DNAJB14: variants seen among roughly 807,000 people sequenced by gnomAD.
DNAJB14 encodes the protein DnaJ heat shock protein family (Hsp40) member B14.
In DNAJB14, 22 loss-of-function variants were observed where a neutral mutation model predicts 48.4. That is an observed-to-expected ratio of 0.45 (90% CI 0.32 to 0.65). The LOEUF (loss-of-function observed/expected upper bound fraction) is 0.65, where lower values mean the gene tolerates loss of function less well. Ranked by LOEUF, DNAJB14 falls within the 30% of genes least tolerant of loss-of-function variation. The probability of loss-of-function intolerance (pLI) is 0.03; values close to 1 mark genes in which losing one functional copy is unlikely to be tolerated. For synonymous variants in DNAJB14, 142 were observed against 158.7 expected, an observed-to-expected ratio of 0.89 and a Z score of 0.79; for missense variants, 319 against 458.8, an observed-to-expected ratio of 0.70 and a Z score of 2.78.
chr4:99,918,576 C>A (rs943358849), intron 3 of DNAJB14, among the ~76,000 whole-genome samples: 6 of 152,214 alleles, frequency 3.9e-5, no homozygotes, highest in African/African-American at 1.4e-4. Flanking sequence ...GGAATACCAT[C>A]TCATTGTTCC....
chr4:99,937,043 G>A (rs1284538869), intron 1 of DNAJB14, among the ~76,000 whole-genome samples: 3 of 152,184 alleles, frequency 2.0e-5, no homozygotes, highest in East Asian at 3.9e-4. Context: ...ATCGCCAGGC[G>A]CAGTGGCTCA....
At chr4:99,916,119 C>A (rs1009866538) in intron 3 of DNAJB14, among the ~76,000 whole-genome samples, 3 of 152,004 alleles carry the variant, frequency 2.0e-5, no homozygotes, top group Non-Finnish European at 1.5e-5. Context: ...AAATAATTTT[C>A]TTGTAGACAA....
chr4:99,918,054 C>G (rs1265832558), intron 3 of DNAJB14, among the ~76,000 whole-genome samples: 3 of 152,116 alleles, frequency 2.0e-5, no homozygotes, highest in Admixed American at 6.5e-5. Context: ...TTTCTGAGTA[C>G]CTTTTCAGCT....
intron 1 of DNAJB14, among the ~76,000 whole-genome samples, chr4:99,940,387 G>A (rs1355958607): frequency 2.0e-5 from 3 of 152,154 alleles, no homozygotes; most frequent in African/African-American, 7.2e-5. Flanking sequence ...GAGGTCAGGA[G>A]TTTGAAACCA....
chr4:99,921,650 G>A (rs1423266121), intron 3 of DNAJB14, among the ~76,000 whole-genome samples: 1 of 152,024 alleles, frequency 6.6e-6, no homozygotes, highest in African/African-American at 2.4e-5. Context: ...TTAAATTTGT[G>A]GAACTCATAA....
intron 1 of DNAJB14, among the ~76,000 whole-genome samples, chr4:99,931,224 A>C (rs1049231549): frequency 6.6e-6 from 1 of 152,198 alleles, no homozygotes; most frequent in Non-Finnish European, 1.5e-5. Context: ...AGGAATGGTA[A>C]GCAAATAGTG....
intron 2 of DNAJB14, chr4:99,928,791 T>C (rs2110213621): frequency 6.4e-6 from 1 of 157,300 alleles, no homozygotes; most frequent in South Asian, 2.0e-4. Flanking sequence ...GAATCCTTCA[T>C]TGAGAATATG....
chr4:99,944,702 G>T (rs977620976), intron 1 of DNAJB14, among the ~76,000 whole-genome samples: 2 of 151,586 alleles, frequency 1.3e-5, no homozygotes, highest in Non-Finnish European at 2.9e-5. Flanking sequence ...GCATCCCCTA[G>T]TAGCTGGGAT....
chr4:99,934,494 A>G (rs1196083941), intron 1 of DNAJB14, among the ~76,000 whole-genome samples: 2 of 152,146 alleles, frequency 1.3e-5, no homozygotes, highest in Non-Finnish European at 1.5e-5. Flanking sequence ...TATCAAAATT[A>G]CAACATCAGA....
rs1323838418 is a variant in DNAJB14, at chr4:99,924,670, C to A, written c.306-1485G>T. ...TCTGTAAACAAAAAAAGAGAATGAT[C>A]CCACCTGTGTAGAGACTCATTCTCC... On this transcript the variant is annotated intron_variant, in intron 2 of 7. Coordinates refer to ENST00000442697, the MANE Select transcript of DNAJB14 (RefSeq NM_001031723.4). 3 of 1,536,360 alleles carry A rather than the reference C, an allele frequency of 2.0e-6. No individual in the cohort carries two copies. The African/African-American group carries it at 4.2e-5, about 21-fold the overall frequency.
At chr4:99,936,534 C>A (rs1726683390) in intron 1 of DNAJB14, among the ~76,000 whole-genome samples, 1 of 152,122 alleles carries the variant, frequency 6.6e-6, no homozygotes, top group Non-Finnish European at 1.5e-5. Context: ...AACAATGACA[C>A]TTCTGTAAGC....
At chr4:99,920,037 GTCT>G (rs1378968355) in intron 3 of DNAJB14, among the ~76,000 whole-genome samples, 6 of 152,134 alleles carry the variant, frequency 3.9e-5, no homozygotes, top group African/African-American at 1.4e-4. Flanking sequence ...AATATAGTTG[GTCT>G]TCTGTGAGAT....
At chr4:99,915,794 C>A (rs1315812518) in intron 3 of DNAJB14, among the ~76,000 whole-genome samples, 1 of 152,170 alleles carries the variant, frequency 6.6e-6, no homozygotes, top group African/African-American at 2.4e-5. Flanking sequence ...GATTTTCTGT[C>A]TAATTGTTCT....
chr4:99,923,242 T>G, intron 2 of DNAJB14, 57 bp from the exon 3 acceptor site: 1 of 1,448,554 alleles, frequency 6.9e-7, no homozygotes, highest in Non-Finnish European at 9.3e-7. Context: ...TCATGTAATA[T>G]CTCTAATTTT....
chr4:99,913,346 G>A (rs922751488), intron 3 of DNAJB14, among the ~76,000 whole-genome samples: 1 of 152,134 alleles, frequency 6.6e-6, no homozygotes, highest in South Asian at 2.1e-4. Flanking sequence ...GTTGAGGCAG[G>A]TCCCTTCTAT....
At chr4:99,918,216 C>T (rs1290708137) in intron 3 of DNAJB14, among the ~76,000 whole-genome samples, 1 of 152,160 alleles carries the variant, frequency 6.6e-6, no homozygotes, top group Non-Finnish European at 1.5e-5. Flanking sequence ...TATTTTCTAG[C>T]TCACCAATTA....
At chr4:99,908,596 T>C (rs781513758) in intron 4 of DNAJB14, 115 bp downstream of exon 4, 3 of 785,038 alleles carry the variant, frequency 3.8e-6, no homozygotes, top group Non-Finnish European at 5.5e-6. Context: ...CATTACAGGA[T>C]CGTAACACTA....
chr4:99,946,615 G>A lies in DNAJB14; in HGVS notation c.-44C>T, dbSNP rs745938379. 3.2e-5 allele frequency: 51 copies of A among 1,603,578 alleles called. No individual in the cohort carries two copies. Among genetic ancestry groups the A allele is most frequent in the Non-Finnish European group, 4.0e-5 (47 of 1,173,482 alleles). ...TTTCCTCCGGCAGCGCAGCTAAGAA[G>A]GGCGGAAGCCGCCGCCGCGGAGGAG... On this transcript the variant is annotated 5_prime_UTR_variant, in exon 1 of 8. Coordinates refer to ENST00000442697, the MANE Select transcript of DNAJB14 (RefSeq NM_001031723.4).
At chr4:99,942,358 CAATT>C (rs1197325449) in intron 1 of DNAJB14, 1 of 151,678 alleles carries the variant, frequency 6.6e-6, no homozygotes, top group Non-Finnish European at 1.5e-5. Flanking sequence ...AACTATTTCC[CAATT>C]ATTATGAAAT....
Sources: allele counts gnomAD v4.1 joint callset (sites outside exome capture counted in the v4.1 genomes callset), GRCh38; gene constraint gnomAD v4.1.1; transcripts MANE v1.5; gene names NCBI Gene and HGNC (gene_info 2026-07-23, HGNC 2026-07-21).